INTS6L: variants seen among roughly 807,000 people sequenced by gnomAD.
The protein encoded by INTS6L is integrator complex subunit 6-like.
INTS6L carries 18 observed loss-of-function variants against 64.7 expected under a neutral mutation model. That is an observed-to-expected ratio of 0.28 (90% CI 0.19 to 0.41). The LOEUF is 0.41. Among genes scored for constraint, INTS6L ranks in the 10% least tolerant of loss-of-function variants. INTS6L has a pLI of 1.00. For missense variants in INTS6L, 533 were observed against 661.0 expected (o/e 0.81, Z 2.12); for synonymous variants, 227 against 235.9 (o/e 0.96, Z 0.34).
chrX:135,563,740 G>A (rs1258402349), intron 9 of INTS6L, among the ~76,000 whole-genome samples: 1 of 106,304 alleles, frequency 9.4e-6, no homozygotes, highest in Non-Finnish European at 1.9e-5. Flanking sequence ...AAAATGCTGT[G>A]TAACTGCCTT....
At chrX:135,562,020 C>G (rs1556522480) in intron 9 of INTS6L, among the ~76,000 whole-genome samples, 1 of 109,518 alleles carries the variant, frequency 9.1e-6, no homozygotes, top group African/African-American at 3.3e-5. Context: ...TTTAAAATTT[C>G]ATTGATTTAT....
chrX:135,521,001 C>T lies in INTS6L; in HGVS notation c.9C>T (p.Ile3=). Residue 3 remains isoleucine (I), a synonymous_variant, in exon 1 of 18, where the codon ATC becomes ATT. Coordinates refer to ENST00000639893, the MANE Select transcript of INTS6L (RefSeq NM_001351601.3). The part of the protein sequence containing the change: MP[I]LLFLIDTSAS... ...CAGGAGTGCGGGGGAAGATGCCCAT[C>T]CTGCTGTTCCTCATAGACACGTCCG... is the stretch of plus-strand genomic sequence containing the variant. 1 of 1,210,383 alleles carries T rather than the reference C, an allele frequency of 8.3e-7. No individual in the cohort carries two copies. The highest frequency in any genetic ancestry group is 1.1e-6 in the Non-Finnish European group (1 of 894,892).
chrX:135,545,382 T>C, intron 2 of INTS6L, 41 bp from the exon 3 acceptor site: 1 of 1,197,043 alleles, frequency 8.4e-7, no homozygotes, highest in Non-Finnish European at 1.1e-6. Flanking sequence ...ATATTGTTCA[T>C]TGTATAATCA....
chrX:135,556,131 A>C, intron 8 of INTS6L, 37 bp from the exon 9 acceptor site: 1 of 1,124,978 alleles, frequency 8.9e-7, no homozygotes, highest in Non-Finnish European at 1.2e-6. Context: ...TAAAATCCTT[A>C]TTGTCATCAC....
At chrX:135,563,633 G>GTGTGTGTGTA (rs1556523326) in intron 9 of INTS6L, among the ~76,000 whole-genome samples, 137 of 10,251 alleles carry the variant, frequency 0.013, 2 homozygotes, top group African/African-American at 0.025. Flanking sequence ...GTGTGTGTGT[G>GTGTGTGTGTA]TATATATATA....
intron 6 of INTS6L, 82 bp downstream of exon 6, chrX:135,547,347 T>G: frequency 2.9e-6 from 3 of 1,025,903 alleles, no homozygotes; most frequent in Non-Finnish European, 3.9e-6. Flanking sequence ...AGACACAGTC[T>G]TCACTATCCA....
intron 9 of INTS6L, 126 bp from the exon 10 acceptor site, chrX:135,569,211 A>T: frequency 2.9e-6 from 1 of 343,833 alleles, no homozygotes; most frequent in East Asian, 4.8e-5. Context: ...ACTAAAAAAG[A>T]TAATCAAATA....
At chrX:135,553,984 A>G (rs186109962) in intron 8 of INTS6L, among the ~76,000 whole-genome samples, 16 of 111,687 alleles carry the variant, frequency 1.4e-4, no homozygotes, top group Admixed American at 1.2e-3. Context: ...TTTTTAGAGT[A>G]TTCTTAATGT....
At position 135,551,970 on chromosome X, in the gene INTS6L, C is replaced by CT. The variant is rs2086515444; in HGVS notation, c.907-17dup. 6.4e-6 allele frequency: 7 copies of CT among 1,101,105 alleles called. No individual in the cohort carries two copies. The East Asian group carries it at 2.0e-4, about 32-fold the overall frequency. 90.7% of individuals were successfully genotyped at this position (1,101,105 alleles called of 1,213,427 possible). A position where few individuals can be genotyped will look rare whatever the true frequency, so the allele number is the denominator to read the frequency against. On this transcript the variant is annotated intron_variant, in intron 7 of 17. Coordinates refer to ENST00000639893, the MANE Select transcript of INTS6L (RefSeq NM_001351601.3). Reference sequence around the variant, plus strand: ...CTTTGAGACCTAACCATTTTTTCTGCTTTTTTTAAAAAATTTTTTTTAGCC... The same window carrying CT: ...CTTTGAGACCTAACCATTTTTTCTGCTTTTTTTTAAAAAATTTTTTTTAGCC...
At chrX:135,556,878 G>A (rs2086659658) in intron 9 of INTS6L, among the ~76,000 whole-genome samples, 1 of 111,849 alleles carries the variant, frequency 8.9e-6, no homozygotes, top group Admixed American at 9.5e-5. Flanking sequence ...TTAGAGTAAT[G>A]TAGTACTTAC....
chrX:135,548,721 C>T lies in INTS6L; in HGVS notation c.743-921C>T, dbSNP rs145114176. Among the ~76,000 whole-genome samples the T allele has an allele frequency of 5.6e-3, 622 of 111,211 alleles. 3 individuals carry two copies. The highest frequency in any genetic ancestry group is 0.018 in the African/African-American group (554 of 30,627). The stretch of plus-strand genomic sequence containing the variant: ...TTTTTTCCCTACTGCACAGTGGACC[C>T]ATTAAATCTCCTAGTCTAAAGAAAT... On this transcript the variant is annotated intron_variant, in intron 6 of 17. Transcript: ENST00000639893.
At chrX:135,565,155 A>G (rs1307435534) in intron 9 of INTS6L, among the ~76,000 whole-genome samples, 1 of 112,086 alleles carries the variant, frequency 8.9e-6, no homozygotes, top group South Asian at 3.7e-4. Context: ...GCTAAGCTCT[A>G]GGGTCCCATC....
At chrX:135,567,995 C>T (rs1397538824) in intron 9 of INTS6L, among the ~76,000 whole-genome samples, 1 of 110,934 alleles carries the variant, frequency 9.0e-6, no homozygotes, top group East Asian at 2.8e-4. Flanking sequence ...ATGGTTTTGT[C>T]TCTGTAAGTA....
intron 9 of INTS6L, among the ~76,000 whole-genome samples, chrX:135,561,466 A>G (rs782466879): frequency 8.0e-4 from 90 of 112,022 alleles, no homozygotes; most frequent in African/African-American, 2.6e-3. Flanking sequence ...GTCTATATTC[A>G]TGAAAGATAT....
Position 135,580,171 on chromosome X carries a change from T to C in INTS6L, c.2494+9T>C, listed in dbSNP as rs781977876. ...TCGAAAGTTTGGTCGAAGTAAGTAG[T>C]GAAAGAACATCTATCAATAATGCAC... On this transcript the variant is annotated intron_variant, in intron 16 of 17. Transcript: ENST00000639893. The C allele has an allele frequency of 8.6e-7, 1 of 1,167,071 alleles. No individual in the cohort carries two copies. The highest frequency in any genetic ancestry group is 2.5e-5 in the Admixed American group (1 of 40,238).
At chrX:135,558,608 G>T (rs1221649249) in intron 9 of INTS6L, among the ~76,000 whole-genome samples, 1 of 110,877 alleles carries the variant, frequency 9.0e-6, no homozygotes, top group Non-Finnish European at 1.9e-5. Context: ...TGTGTGAGGG[G>T]AAAATGGGAA....
chrX:135,529,049 G>A (rs1466669174), intron 2 of INTS6L, among the ~76,000 whole-genome samples: 1 of 111,712 alleles, frequency 9.0e-6, no homozygotes, highest in Admixed American at 9.5e-5. Context: ...GATCCAACTG[G>A]TTGGGTTAGA....
chrX:135,560,198 A>G (rs959518520), intron 9 of INTS6L, among the ~76,000 whole-genome samples: 2 of 111,836 alleles, frequency 1.8e-5, no homozygotes, highest in African/African-American at 6.5e-5. Flanking sequence ...TGTATTTTTG[A>G]TGTTGGTATC....
chrX:135,548,857 T>A lies in INTS6L; in HGVS notation c.743-785T>A, dbSNP rs567659950. Among the ~76,000 whole-genome samples, 3 of 112,205 alleles carry A rather than the reference T, an allele frequency of 2.7e-5. No individual in the cohort carries two copies. In the South Asian group the frequency reaches 1.1e-3, roughly 41 times the overall value. ...TTTACAAATATTATCATTAAAAGTT[T>A]ATATAACTCTGCCTTGCCCTGATTT... On this transcript the variant is annotated intron_variant, in intron 6 of 17. Transcript: ENST00000639893.
Sources: allele counts gnomAD v4.1 joint callset (sites outside exome capture counted in the v4.1 genomes callset), GRCh38; gene constraint gnomAD v4.1.1; transcripts MANE v1.5; gene names NCBI Gene and HGNC (gene_info 2026-07-23, HGNC 2026-07-21).